THSD4: variants seen among roughly 807,000 people sequenced by gnomAD.
THSD4 encodes thrombospondin type 1 domain containing 4.
THSD4 carries 69 observed loss-of-function variants against 119.0 expected under a neutral mutation model. The ratio of observed to expected loss-of-function variants is 0.58; its 90% CI spans 0.48 to 0.71. THSD4 has a LOEUF of 0.71. THSD4 is among the 30% of genes least tolerant of loss of function. The pLI is 0.00. For synonymous variants in THSD4, 524 were observed against 540.4 expected, an observed-to-expected ratio of 0.97 and a Z score of 0.42; for missense variants, 1,393 against 1,391.1, an observed-to-expected ratio of 1.00 and a Z score of -0.02.
At chr15:71,392,950 C>A (rs117740879) in intron 6 of THSD4, among the ~76,000 whole-genome samples, 2 of 152,226 alleles carry the variant, frequency 1.3e-5, no homozygotes, top group Non-Finnish European at 2.9e-5. Context: ...TCCTTCCCAG[C>A]GCTTCCTTTG....
chr15:71,683,352 A>G (rs1048550728), intron 8 of THSD4, among the ~76,000 whole-genome samples: 3 of 152,208 alleles, frequency 2.0e-5, no homozygotes, highest in Non-Finnish European at 4.4e-5. Context: ...AAATTCATTC[A>G]ATAAACATGT....
chr15:71,624,915 A>G (rs562404451), intron 7 of THSD4, among the ~76,000 whole-genome samples: 1 of 152,286 alleles, frequency 6.6e-6, no homozygotes, highest in South Asian at 2.1e-4. Flanking sequence ...CCTCCTAAAG[A>G]ATCTGATTCC....
intron 2 of THSD4, among the ~76,000 whole-genome samples, chr15:71,145,047 T>G (rs2040643616): frequency 6.6e-6 from 1 of 152,170 alleles, no homozygotes; most frequent in African/African-American, 2.4e-5. Context: ...TCTTTATTTG[T>G]TTGTTCAGTG....
intron 8 of THSD4, among the ~76,000 whole-genome samples, chr15:71,711,223 A>G (rs757018326): frequency 1.3e-5 from 2 of 151,702 alleles, no homozygotes; most frequent in Non-Finnish European, 2.9e-5. Context: ...ATTTTTTTTG[A>G]AAATAGGCTT....
At chr15:71,101,542 T>G (rs1167083126) in intron 1 of THSD4, among the ~76,000 whole-genome samples, 2 of 152,202 alleles carry the variant, frequency 1.3e-5, no homozygotes, top group East Asian at 1.9e-4. Context: ...TGTTAAAGTT[T>G]CCCTCGATTT....
chr15:71,486,757 A>T (rs1236260979), intron 7 of THSD4, among the ~76,000 whole-genome samples: 1 of 151,970 alleles, frequency 6.6e-6, no homozygotes, highest in Non-Finnish European at 1.5e-5. Context: ...ATGCTGGCTC[A>T]TGGTGAGGTA....
intron 1 of THSD4, among the ~76,000 whole-genome samples, chr15:71,132,961 C>A (rs2040517186): frequency 6.6e-6 from 1 of 152,182 alleles, no homozygotes; most frequent in East Asian, 1.9e-4. Flanking sequence ...CTGCTTTTGG[C>A]CAAGGCAGCT....
chr15:71,369,938 AC>A (rs2046020553), intron 6 of THSD4, among the ~76,000 whole-genome samples: 1 of 152,080 alleles, frequency 6.6e-6, no homozygotes, highest in Non-Finnish European at 1.5e-5. Flanking sequence ...GTAGGCTATT[AC>A]TTAGTGCCTC....
At chr15:71,656,871 T>C (rs1273807746) in intron 7 of THSD4, among the ~76,000 whole-genome samples, 6 of 152,152 alleles carry the variant, frequency 3.9e-5, no homozygotes, top group African/African-American at 1.4e-4. Context: ...ACCTAGAAGA[T>C]AGTAAAGACT....
At chr15:71,447,806 T>A (rs1460065227) in intron 7 of THSD4, among the ~76,000 whole-genome samples, 1 of 152,182 alleles carries the variant, frequency 6.6e-6, no homozygotes, top group East Asian at 1.9e-4. Context: ...AACATGCACT[T>A]ACAATTCATC....
At chr15:71,223,464 C>G (rs2043991188) in intron 4 of THSD4, among the ~76,000 whole-genome samples, 1 of 152,206 alleles carries the variant, frequency 6.6e-6, no homozygotes, top group South Asian at 2.1e-4. Flanking sequence ...CCAGAGGAAA[C>G]ACTACCCGCT....
chr15:71,439,189 C>T (rs1482000806), intron 7 of THSD4, among the ~76,000 whole-genome samples: 1 of 152,222 alleles, frequency 6.6e-6, no homozygotes, highest in Admixed American at 6.5e-5. Context: ...TTCTGCCATT[C>T]AGTAAATAGG....
Position 71,132,593 on chromosome 15 carries a change from T to C in THSD4, c.-79-8856T>C, listed in dbSNP as rs182970960. Among the ~76,000 whole-genome samples the C allele has an allele frequency of 2.0e-4, 30 of 152,364 alleles. No homozygotes were observed. In the East Asian group the frequency reaches 3.8e-3, roughly 20 times the overall value. ...TGAGTAATTTTGGCTTTCCTCTTTGTATTTTTCTGTAGTTTCAAACTTTCC... is the reference window on the plus strand; with the variant it reads ...TGAGTAATTTTGGCTTTCCTCTTTGCATTTTTCTGTAGTTTCAAACTTTCC... On this transcript the variant is annotated intron_variant, in intron 1 of 17. Coordinates refer to ENST00000261862, the MANE Select transcript of THSD4 (RefSeq NM_024817.3).
intron 6 of THSD4, among the ~76,000 whole-genome samples, chr15:71,266,544 GC>G (rs2044467767): frequency 6.6e-6 from 1 of 152,004 alleles, no homozygotes; most frequent in Admixed American, 6.6e-5. Flanking sequence ...AAAACCAGAG[GC>G]CTCTTTTCCT....
At chr15:71,122,038 C>T (rs2040413306) in intron 1 of THSD4, among the ~76,000 whole-genome samples, 1 of 152,118 alleles carries the variant, frequency 6.6e-6, no homozygotes, top group African/African-American at 2.4e-5. Context: ...AGTCTCATTA[C>T]AGGGCGTGTA....
chr15:71,676,957 G>A (rs532623707), intron 8 of THSD4, among the ~76,000 whole-genome samples: 3 of 152,230 alleles, frequency 2.0e-5, no homozygotes, highest in African/African-American at 7.2e-5. Flanking sequence ...ATTCTTTTGG[G>A]TATATACCTA....
chr15:71,341,802 C>T (rs987152498), intron 6 of THSD4: 1 of 758,736 alleles, frequency 1.3e-6, no homozygotes, highest in Non-Finnish European at 2.4e-6. Context: ...CTCTTTTCTT[C>T]CTTCCTTCCT....
chr15:71,752,413 A>G (rs1194444485), intron 14 of THSD4, among the ~76,000 whole-genome samples: 2 of 152,258 alleles, frequency 1.3e-5, no homozygotes, highest in Non-Finnish European at 2.9e-5. Context: ...ACTTTATTCT[A>G]TTCAGGGAAC....
At chr15:71,149,813 T>C (rs1207403348) in intron 2 of THSD4, among the ~76,000 whole-genome samples, 1 of 152,130 alleles carries the variant, frequency 6.6e-6, no homozygotes, top group African/African-American at 2.4e-5. Context: ...CCACCCTCAC[T>C]GCAGCTGAGA....
Sources: allele counts gnomAD v4.1 joint callset (sites outside exome capture counted in the v4.1 genomes callset), GRCh38; gene constraint gnomAD v4.1.1; transcripts MANE v1.5; gene names NCBI Gene and HGNC (gene_info 2026-07-23, HGNC 2026-07-21).